The following FREM1 variants were observed in gnomAD, a reference collection of about 807,000 sequenced individuals.
FREM1 encodes FRAS1-related extracellular matrix protein 1.
Under a neutral mutation model 210.1 loss-of-function variants are expected in FREM1, and 220 were observed. The observed-to-expected ratio is 1.05, with a 90% confidence interval of 0.94 to 1.17. The LOEUF is 1.17. Ranked by LOEUF, FREM1 falls within the 50% of genes most tolerant of loss-of-function variation. The pLI is 0.00. For synonymous variants in FREM1, 1,189 were observed against 980.2 expected, an observed-to-expected ratio of 1.21 and a Z score of -3.98; for missense variants, 3,454 against 2,675.5, an observed-to-expected ratio of 1.29 and a Z score of -6.42.
At chr9:14,808,162 T>G in intron 16 of FREM1, 28 bp from the exon 17 acceptor site, 1 of 1,472,496 alleles carries the variant, frequency 6.8e-7, no homozygotes, top group Non-Finnish European at 9.1e-7. Context: ...AGCTGAAACC[T>G]GCCTTTTAAA....
At chr9:14,806,432 T>C (rs1175412810) in intron 18 of FREM1, among the ~76,000 whole-genome samples, 1 of 152,076 alleles carries the variant, frequency 6.6e-6, no homozygotes, top group Non-Finnish European at 1.5e-5. Flanking sequence ...ATTTTTTATA[T>C]TTAGTAGAGA....
intron 17 of FREM1, 148 bp downstream of exon 17, chr9:14,807,792 C>T: frequency 6.4e-6 from 4 of 620,482 alleles, no homozygotes; most frequent in Admixed American, 3.2e-5. Context: ...TTGGGTTTTC[C>T]ACAAAATTTG....
rs769130274 is a variant in FREM1 at position 14,847,276 on chromosome 9, G to A, written c.1262-1185C>T. ...AGCTGTGACACCAGCTCAGCCATGC[G>A]TTTTTATTTGCTTCTCCCCTTACTC... On this transcript the variant is annotated intron_variant, in intron 7 of 36. Coordinates refer to ENST00000380880, the MANE Select transcript of FREM1 (RefSeq NM_001379081.2). 2.6e-5 allele frequency among the ~76,000 whole-genome samples: 4 copies of A among 152,112 alleles called. No individual in the cohort carries two copies. The East Asian group carries it at 7.7e-4, about 29-fold the overall frequency.
chr9:14,758,573 C>A (rs1844841831), intron 28 of FREM1, among the ~76,000 whole-genome samples: 1 of 151,944 alleles, frequency 6.6e-6, no homozygotes, highest in South Asian at 2.1e-4. Context: ...AATTTATGTT[C>A]CCAGGCTTCT....
At chr9:14,886,384 CA>C (rs60702421) in intron 1 of FREM1, among the ~76,000 whole-genome samples, 650 of 59,750 alleles carry the variant, frequency 0.011, 2 homozygotes, top group African/African-American at 0.043. Flanking sequence ...GACTCCGACT[CA>C]AAAAAAAAAA....
At chr9:14,792,260 CCACACACACACGCACACACA>C (rs1851504458) in intron 22 of FREM1, among the ~76,000 whole-genome samples, 1 of 114,394 alleles carries the variant, frequency 8.7e-6, no homozygotes, top group Non-Finnish European at 1.7e-5. Context: ...ATACACACAC[CCACACACACACGCACACACA>C]CACACACACA....
At position 14,737,451 on chromosome 9, in the gene FREM1, G is replaced by C. The variant is rs1258984130; in HGVS notation, c.6485C>G (p.Thr2162Arg). ...VLVQRQGKWQ[T>R]KDCRRAKPHN... is the part of the protein sequence containing the mutation. Reference sequence around the variant, plus strand: ...AGGTTTGGCTCTCCTACAGTCTTTTGTTTGCCATTTCCCTTGTCTTTGAAC... The same window carrying C: ...AGGTTTGGCTCTCCTACAGTCTTTTCTTTGCCATTTCCCTTGTCTTTGAAC... The change falls in exon 37 of 37, where the codon ACA (threonine) becomes AGA (arginine). Residue 2162 changes from threonine (T) to arginine (R), a missense_variant. Transcript: ENST00000380880. The C allele has an allele frequency of 6.2e-7, 1 of 1,613,780 alleles. No homozygotes were observed. The highest frequency in any genetic ancestry group is 1.1e-5 in the South Asian group (1 of 91,058).
intron 5 of FREM1, among the ~76,000 whole-genome samples, chr9:14,853,235 C>G (rs73642427): frequency 3.0e-4 from 46 of 152,292 alleles, no homozygotes; most frequent in African/African-American, 1.1e-3. Context: ...GTGCCAAAAT[C>G]AGTCTGTTCT....
intron 19 of FREM1, among the ~76,000 whole-genome samples, chr9:14,803,449 A>T (rs1022276926): frequency 3.9e-4 from 58 of 150,534 alleles, no homozygotes; most frequent in African/African-American, 1.4e-3. Context: ...ACACTCACCC[A>T]CCCAGGCTTA....
chr9:14,902,561 A>G (rs1418524348), intron 1 of FREM1, among the ~76,000 whole-genome samples: 1 of 152,180 alleles, frequency 6.6e-6, no homozygotes, highest in Non-Finnish European at 1.5e-5. Flanking sequence ...GCAACAATCC[A>G]TGAGTGATGG....
At chr9:14,892,934 C>A (rs1837106950) in intron 1 of FREM1, among the ~76,000 whole-genome samples, 2 of 152,180 alleles carry the variant, frequency 1.3e-5, no homozygotes. Context: ...GTTGGATTAA[C>A]AATGGCAGGG....
At chr9:14,780,582 C>A (rs540189169) in intron 24 of FREM1, among the ~76,000 whole-genome samples, 1 of 152,152 alleles carries the variant, frequency 6.6e-6, no homozygotes, top group South Asian at 2.1e-4. Context: ...TTCTTCCAGG[C>A]CAGCAGCACC....
At chr9:14,810,132 G>C (rs1047778859) in intron 16 of FREM1, among the ~76,000 whole-genome samples, 28 of 152,002 alleles carry the variant, frequency 1.8e-4, no homozygotes, top group Non-Finnish European at 3.8e-4. Flanking sequence ...GGATGAGTAA[G>C]AGTTTGCCAA....
At chr9:14,850,512 A>C (rs1827506372) in intron 6 of FREM1, 1 of 152,190 alleles carries the variant, frequency 6.6e-6, no homozygotes, top group Non-Finnish European at 1.5e-5. Flanking sequence ...TGACACACAA[A>C]TTCGGAAAGT....
intron 28 of FREM1, among the ~76,000 whole-genome samples, chr9:14,757,627 T>A (rs1844662034): frequency 6.6e-6 from 1 of 152,194 alleles, no homozygotes; most frequent in Non-Finnish European, 1.5e-5. Context: ...TGCAAGCATT[T>A]CTGTTACTTG....
chr9:14,779,048 C>G (rs1454062400), intron 24 of FREM1, among the ~76,000 whole-genome samples: 1 of 151,932 alleles, frequency 6.6e-6, no homozygotes, highest in Non-Finnish European at 1.5e-5. Flanking sequence ...AGAGTTATGC[C>G]TTTATTCTAT....
chr9:14,860,301 G>C (rs916167783), intron 3 of FREM1, among the ~76,000 whole-genome samples: 1 of 151,796 alleles, frequency 6.6e-6, no homozygotes, highest in African/African-American at 2.4e-5. Flanking sequence ...AGTAAGAGGG[G>C]AACAAACATG....
At chr9:14,803,023 CTTCT>C (rs909268063) in intron 19 of FREM1, among the ~76,000 whole-genome samples, 51 of 121,054 alleles carry the variant, frequency 4.2e-4, no homozygotes, top group African/African-American at 1.5e-3. Context: ...CCCTTTCTTT[CTTCT>C]TTCTCTTTCT....
chr9:14,859,544 T>C, intron 3 of FREM1, 60 bp from the exon 4 acceptor site: 3 of 1,387,194 alleles, frequency 2.2e-6, no homozygotes, highest in South Asian at 2.8e-5. Flanking sequence ...CTGATACCCA[T>C]GTACTCAGCT....
Sources: allele counts gnomAD v4.1 joint callset (sites outside exome capture counted in the v4.1 genomes callset), GRCh38; gene constraint gnomAD v4.1.1; transcripts MANE v1.5; gene names NCBI Gene and HGNC (gene_info 2026-07-23, HGNC 2026-07-21).